PPM1L: variants seen among roughly 807,000 people sequenced by gnomAD.
PPM1L encodes the protein protein phosphatase 1L.
A neutral mutation model predicts 31.4 loss-of-function variants in PPM1L; 13 were observed. The observed-to-expected ratio is 0.41, with a 90% CI of 0.27 to 0.66. The LOEUF (loss-of-function observed/expected upper bound fraction) is 0.66, where lower values mean the gene tolerates loss of function less well. PPM1L is among the 30% of genes least tolerant of loss of function. The probability of loss-of-function intolerance (pLI) is 0.29; values close to 1 mark genes in which losing one functional copy is unlikely to be tolerated. For synonymous variants in PPM1L, 184 were observed against 175.4 expected (o/e 1.05, Z -0.39); for missense variants, 326 against 453.7 (o/e 0.72, Z 2.56).
chr3:160,944,948 A>G (rs1268227087), intron 1 of PPM1L, among the ~76,000 whole-genome samples: 1 of 57,322 alleles, frequency 1.7e-5, no homozygotes, highest in Non-Finnish European at 3.5e-5. Flanking sequence ...ATATATAACT[A>G]TATATAACTA....
At chr3:161,065,627 T>C in intron 3 of PPM1L, 63 bp downstream of exon 3, 5 of 1,511,032 alleles carry the variant, frequency 3.3e-6, no homozygotes, top group Non-Finnish European at 4.6e-6. Flanking sequence ...GCGGCTTGCT[T>C]GGAGAGCTCC....
At chr3:160,939,520 C>T (rs1304927868) in intron 1 of PPM1L, 1 of 152,366 alleles carries the variant, frequency 6.6e-6, no homozygotes. Flanking sequence ...GGAAGGGTCC[C>T]AGGGAGAGGT....
chr3:160,899,527 A>C lies in PPM1L; in HGVS notation c.400-62209A>C, dbSNP rs751840413. Among the ~76,000 whole-genome samples the C allele has an allele frequency of 1.7e-4, 26 of 152,314 alleles. 1 individual carries two copies. Among genetic ancestry groups the C allele is most frequent in the South Asian group, 1.4e-3 (7 of 4,830 alleles). On this transcript the variant is annotated intron_variant, in intron 1 of 3. Transcript: ENST00000498165. ...AAAACACATTTCAGGCAGAGAAACT[A>C]GTTTTCCCTTGAGTAAGTACAGCTT...
intron 1 of PPM1L, among the ~76,000 whole-genome samples, chr3:160,827,901 A>G (rs1437960592): frequency 6.6e-6 from 1 of 152,068 alleles, no homozygotes; most frequent in Non-Finnish European, 1.5e-5. Context: ...TGGAACTTTT[A>G]CTCAAGGCAG....
intron 1 of PPM1L, among the ~76,000 whole-genome samples, chr3:160,840,015 G>T (rs931422458): frequency 6.6e-6 from 1 of 152,166 alleles, no homozygotes. Context: ...GTGTTAATAG[G>T]ATTTCAGATA....
intron 1 of PPM1L, among the ~76,000 whole-genome samples, chr3:160,817,140 A>G (rs1293399847): frequency 6.6e-6 from 1 of 152,070 alleles, no homozygotes; most frequent in African/African-American, 2.4e-5. Context: ...GGTCTTCTTG[A>G]TCTCATACTT....
intron 1 of PPM1L, among the ~76,000 whole-genome samples, chr3:160,760,852 A>G (rs774901967): frequency 2.5e-4 from 38 of 152,202 alleles, no homozygotes; most frequent in African/African-American, 4.6e-4. Flanking sequence ...GCACTACTCT[A>G]TTAAAGGTCT....
chr3:160,857,575 G>T (rs1384406862), intron 1 of PPM1L, among the ~76,000 whole-genome samples: 1 of 151,688 alleles, frequency 6.6e-6, no homozygotes, highest in Non-Finnish European at 1.5e-5. Context: ...TTTTTGTGTG[G>T]GCTCCATTCA....
At chr3:160,860,417 ACT>A (rs2108120119) in intron 1 of PPM1L, among the ~76,000 whole-genome samples, 1 of 152,216 alleles carries the variant, frequency 6.6e-6, no homozygotes, top group African/African-American at 2.4e-5. Flanking sequence ...TGCCTGACAG[ACT>A]CTAGAGAATG....
At chr3:161,055,402 C>A (rs1247405646) in intron 2 of PPM1L, among the ~76,000 whole-genome samples, 4 of 152,034 alleles carry the variant, frequency 2.6e-5, no homozygotes, top group African/African-American at 9.7e-5. Context: ...GGGCTGGAAA[C>A]CTCTGCTGAC....
intron 2 of PPM1L, among the ~76,000 whole-genome samples, chr3:161,063,668 G>A (rs1026219568): frequency 2.0e-5 from 3 of 151,522 alleles, no homozygotes; most frequent in Non-Finnish European, 4.4e-5. Context: ...CCCATTACTG[G>A]GTATATACCC....
At chr3:161,061,652 C>G (rs1320722850) in intron 2 of PPM1L, among the ~76,000 whole-genome samples, 1 of 152,076 alleles carries the variant, frequency 6.6e-6, no homozygotes, top group African/African-American at 2.4e-5. Context: ...TATAAGTAAT[C>G]TAGAGATGAC....
At chr3:160,975,192 G>A (rs1371002613) in intron 2 of PPM1L, among the ~76,000 whole-genome samples, 4 of 152,066 alleles carry the variant, frequency 2.6e-5, no homozygotes, top group African/African-American at 9.7e-5. Flanking sequence ...TAGATATGCG[G>A]CGTTATTTCT....
chr3:160,828,640 A>G (rs1294824142), intron 1 of PPM1L, among the ~76,000 whole-genome samples: 1 of 152,088 alleles, frequency 6.6e-6, no homozygotes, highest in Non-Finnish European at 1.5e-5. Flanking sequence ...TTTGGTAGGA[A>G]GTGAGCGTCA....
intron 2 of PPM1L, among the ~76,000 whole-genome samples, chr3:161,002,566 AT>A (rs889270194): frequency 2.0e-5 from 3 of 149,712 alleles, no homozygotes; most frequent in African/African-American, 7.5e-5. Context: ...TGTGGTTTTG[AT>A]TTGCATTTCT....
At chr3:160,899,583 T>A (rs569175984) in intron 1 of PPM1L, among the ~76,000 whole-genome samples, 10 of 40,020 alleles carry the variant, frequency 2.5e-4, no homozygotes, top group African/African-American at 8.1e-4. Context: ...GGATGTATAG[T>A]GTTTTTGTTG....
chr3:160,962,831 C>T (rs1716010670), intron 2 of PPM1L, among the ~76,000 whole-genome samples: 1 of 151,960 alleles, frequency 6.6e-6, no homozygotes, highest in Admixed American at 6.6e-5. Context: ...ATACTACATT[C>T]ACCTAACCAC....
At chr3:160,990,083 C>A (rs1321544469) in intron 2 of PPM1L, among the ~76,000 whole-genome samples, 8 of 152,100 alleles carry the variant, frequency 5.3e-5, no homozygotes, top group African/African-American at 1.9e-4. Flanking sequence ...CAGCCTCAAC[C>A]TCCTGGGTTC....
chr3:160,774,574 C>T (rs7636985), intron 1 of PPM1L, among the ~76,000 whole-genome samples: 55 of 152,326 alleles, frequency 3.6e-4, no homozygotes, highest in African/African-American at 1.3e-3. Context: ...ATCCCTGGCT[C>T]CTTTATCTTA....
Sources: gnomAD v4.1 joint callset for allele counts (sites outside exome capture counted in the v4.1 genomes callset) on GRCh38, gnomAD v4.1.1 for gene constraint, MANE v1.5 for transcripts, NCBI Gene and HGNC (gene_info 2026-07-23, HGNC 2026-07-21) for gene names.